PTCSC3: variants seen among roughly 807,000 people sequenced by gnomAD.
PTCSC3 encodes the protein papillary thyroid carcinoma susceptibility candidate 3 (non-protein coding).
chr14:36,169,444 G>T (rs569460825), intron 1 of PTCSC3, among the ~76,000 whole-genome samples: 3 of 152,230 alleles, frequency 2.0e-5, no homozygotes, highest in Non-Finnish European at 4.4e-5. Context: ...GGAGAAAATG[G>T]ATTCAGGTAC....
intron 2 of PTCSC3, among the ~76,000 whole-genome samples, chr14:36,159,877 C>T (rs1047311091): frequency 1.3e-5 from 2 of 152,126 alleles, no homozygotes; most frequent in African/African-American, 4.8e-5. Flanking sequence ...TTGTAGGTCT[C>T]TAAGGACTTG....
chr14:36,156,506 G>A (rs2094803), intron 2 of PTCSC3, among the ~76,000 whole-genome samples: 9,151 of 152,036 alleles, frequency 0.06, 430 homozygotes, highest in Middle Eastern at 0.17. Flanking sequence ...CAGGTTTGTT[G>A]CACCCATCCG....
At chr14:36,176,009 G>T (rs773019006) in intron 1 of PTCSC3, among the ~76,000 whole-genome samples, 2 of 152,108 alleles carry the variant, frequency 1.3e-5, no homozygotes, top group Admixed American at 1.3e-4. Context: ...GACAAATGTG[G>T]GTAGCAAATA....
At chr14:36,151,766 A>T (rs1472222061) in intron 3 of PTCSC3, among the ~76,000 whole-genome samples, 1 of 152,142 alleles carries the variant, frequency 6.6e-6, no homozygotes, top group Non-Finnish European at 1.5e-5. Context: ...TTTCCCTGAG[A>T]GCCAGCCTTT....
chr14:36,152,269 TAAAAA>T (rs952905793), intron 3 of PTCSC3, among the ~76,000 whole-genome samples: 1 of 148,412 alleles, frequency 6.7e-6, no homozygotes, highest in Non-Finnish European at 1.5e-5. Context: ...TTTATTAAAA[TAAAAA>T]AAAAACTTTT....
At chr14:36,163,479 GAGGGAGGAAGAAAGGA>G (rs1436768970) in intron 1 of PTCSC3, among the ~76,000 whole-genome samples, 1 of 152,012 alleles carries the variant, frequency 6.6e-6, no homozygotes, top group East Asian at 1.9e-4. Flanking sequence ...AGGAGAGAGG[GAGGGAGGAAGAAAGGA>G]AGGGAGGAAA....
chr14:36,174,275 T>C (rs1055666740), intron 1 of PTCSC3, among the ~76,000 whole-genome samples: 3 of 152,144 alleles, frequency 2.0e-5, no homozygotes, highest in Non-Finnish European at 2.9e-5. Context: ...TTCTCTCTAC[T>C]CTCCAGATTC....
intron 2 of PTCSC3, among the ~76,000 whole-genome samples, chr14:36,154,870 A>G (rs772945780): frequency 6.6e-6 from 1 of 152,228 alleles, no homozygotes; most frequent in Non-Finnish European, 1.5e-5. Flanking sequence ...CAACATTACC[A>G]TTTGATATGA....
intron 3 of PTCSC3, among the ~76,000 whole-genome samples, chr14:36,146,850 C>A (rs1262211548): frequency 6.6e-6 from 1 of 152,202 alleles, no homozygotes; most frequent in Non-Finnish European, 1.5e-5. Context: ...TCTTTTAGGG[C>A]AGGCCTGGTG....
At chr14:36,144,373 A>G (rs1268839240) in intron 3 of PTCSC3, among the ~76,000 whole-genome samples, 1 of 143,210 alleles carries the variant, frequency 7.0e-6, no homozygotes, top group Non-Finnish European at 1.5e-5. Flanking sequence ...GAGGTCCTTC[A>G]CATCCCTTAT....
At chr14:36,152,084 TCTTTAC>T (rs1881736111) in intron 3 of PTCSC3, among the ~76,000 whole-genome samples, 1 of 151,756 alleles carries the variant, frequency 6.6e-6, no homozygotes, top group African/African-American at 2.4e-5. Flanking sequence ...TCTTTAAAAC[TCTTTAC>T]ATGTCAGAGT....
intron 2 of PTCSC3, among the ~76,000 whole-genome samples, chr14:36,159,202 G>T (rs1199125333): frequency 7.5e-6 from 1 of 133,994 alleles, no homozygotes; most frequent in Non-Finnish European, 1.6e-5. Context: ...ACAGCTCCTG[G>T]ATTCATTGAT....
intron 3 of PTCSC3, among the ~76,000 whole-genome samples, chr14:36,148,568 C>T (rs965321648): frequency 1.3e-5 from 2 of 152,210 alleles, no homozygotes; most frequent in African/African-American, 4.8e-5. Context: ...CTGTCTGGCA[C>T]TCCCTAGTGA....
intron 3 of PTCSC3, among the ~76,000 whole-genome samples, chr14:36,145,951 T>G (rs1026487094): frequency 6.6e-6 from 1 of 152,068 alleles, no homozygotes; most frequent in Non-Finnish European, 1.5e-5. Flanking sequence ...GGTTGTTCAG[T>G]TTCCATGTAG....
intron 3 of PTCSC3, among the ~76,000 whole-genome samples, chr14:36,151,997 G>T (rs1009800501): frequency 7.2e-5 from 11 of 152,278 alleles, no homozygotes; most frequent in African/African-American, 2.2e-4. Context: ...GCAATGCTCT[G>T]ATGGATCTAA....
At chr14:36,146,380 C>G (rs1399144751) in intron 3 of PTCSC3, among the ~76,000 whole-genome samples, 1 of 150,514 alleles carries the variant, frequency 6.6e-6, no homozygotes, top group Non-Finnish European at 1.5e-5. Context: ...GGATAGTTAG[C>G]TCTTCTTGTT....
chr14:36,172,704 C>G (rs1882211725), intron 1 of PTCSC3, among the ~76,000 whole-genome samples: 1 of 152,020 alleles, frequency 6.6e-6, no homozygotes, highest in Non-Finnish European at 1.5e-5. Context: ...CCATCCATTT[C>G]CAGTGCTCAG....
Position 36,162,258 on chromosome 14 carries a change from GA to G in PTCSC3, n.231+365del, listed in dbSNP as rs58223160. 8.0e-4 allele frequency among the ~76,000 whole-genome samples: 85 copies of G among 106,528 alleles called. 1 individual carries two copies. Among genetic ancestry groups the G allele is most frequent in the East Asian group, 3.3e-3 (12 of 3,654 alleles). The allele number at this position is 106,528 out of a possible 152,430, so 69.9% of individuals were successfully genotyped here. A position where few individuals can be genotyped will look rare whatever the true frequency, so the allele number is the denominator to read the frequency against. On this transcript the variant is annotated intron_variant and non_coding_transcript_variant, in intron 2 of 3. Transcript: ENST00000556013. The stretch of plus-strand genomic sequence containing the variant: ...GCGTTCCAGGAGCTGCTGGGGTATG[GA>G]AAAAAAAAAAAAAAAAAAAAAAAAA...
rs561347485 is a variant in PTCSC3, at chr14:36,152,859, A to G, written n.322+945T>C. On this transcript the variant is annotated intron_variant and non_coding_transcript_variant, in intron 3 of 3. Coordinates refer to ENST00000556013, the Ensembl canonical transcript of PTCSC3. ...CAGTGAGCTGAGATGGTGCCACTGCACTCCAGCCTGGGCAACAGAGCGAGA... is the reference window on the plus strand; with the variant it reads ...CAGTGAGCTGAGATGGTGCCACTGCGCTCCAGCCTGGGCAACAGAGCGAGA... 3.0e-4 allele frequency among the ~76,000 whole-genome samples: 46 copies of G among 151,902 alleles called. No homozygotes were observed. The East Asian group carries it at 8.3e-3, about 28-fold the overall frequency.
Sources: gnomAD v4.1 joint callset for allele counts (sites outside exome capture counted in the v4.1 genomes callset) on GRCh38, gnomAD v4.1.1 for gene constraint, MANE v1.5 for transcripts, NCBI Gene and HGNC (gene_info 2026-07-23, HGNC 2026-07-21) for gene names.